The following ELAVL4 variants were observed in gnomAD, a reference collection of about 807,000 sequenced individuals.
The protein encoded by ELAVL4 is ELAV-like protein 4.
A neutral mutation model predicts 35.6 loss-of-function variants in ELAVL4; 1 was observed. The observed-to-expected ratio is 0.03, with a 90% CI of 0.01 to 0.13. The LOEUF (loss-of-function observed/expected upper bound fraction) is 0.13, where lower values mean the gene tolerates loss of function less well. Ranked by LOEUF, ELAVL4 falls within the 10% of genes least tolerant of loss-of-function variation. ELAVL4 has a pLI of 1.00. For synonymous variants in ELAVL4, 156 were observed against 171.0 expected, an observed-to-expected ratio of 0.91 and a Z score of 0.69; for missense variants, 267 against 464.9, an observed-to-expected ratio of 0.57 and a Z score of 3.91.
At chr1:50,091,464 A>C (rs1030349580) in intron 1 of ELAVL4, among the ~76,000 whole-genome samples, 3 of 152,138 alleles carry the variant, frequency 2.0e-5, no homozygotes, top group Non-Finnish European at 4.4e-5. Flanking sequence ...TGGTGGCCAA[A>C]ATTAGTTCAA....
chr1:50,090,406 T>C (rs561284112), intron 1 of ELAVL4, among the ~76,000 whole-genome samples: 2 of 152,262 alleles, frequency 1.3e-5, no homozygotes, highest in South Asian at 4.1e-4. Flanking sequence ...ACTAGGCTTC[T>C]AAGGGAGATG....
intron 1 of ELAVL4, among the ~76,000 whole-genome samples, chr1:50,120,031 A>G (rs1668759371): frequency 6.6e-6 from 1 of 150,568 alleles, no homozygotes; most frequent in African/African-American, 2.4e-5. Flanking sequence ...TTTCTCTTCT[A>G]TATCAAATTT....
At chr1:50,052,344 T>C (rs182592498) in intron 1 of ELAVL4, among the ~76,000 whole-genome samples, 6 of 152,256 alleles carry the variant, frequency 3.9e-5, no homozygotes, top group Admixed American at 3.9e-4. Context: ...CCCCACACTT[T>C]TTGTGTGTAA....
At chr1:50,090,829 T>A (rs906497864) in intron 1 of ELAVL4, among the ~76,000 whole-genome samples, 11 of 152,210 alleles carry the variant, frequency 7.2e-5, no homozygotes, top group Non-Finnish European at 1.5e-4. Flanking sequence ...AGCCCCACTG[T>A]ATTCTAGCTG....
At chr1:50,195,924 G>T (rs950465383) in intron 5 of ELAVL4, 138 bp downstream of exon 5, 1 of 969,202 alleles carries the variant, frequency 1.0e-6, no homozygotes, top group African/African-American at 1.6e-5. Flanking sequence ...AACTCCCCCC[G>T]AGCCTCAGTT....
chr1:50,192,183 GTTT>G (rs1335903085), intron 3 of ELAVL4, among the ~76,000 whole-genome samples: 1 of 152,194 alleles, frequency 6.6e-6, no homozygotes, highest in Non-Finnish European at 1.5e-5. Flanking sequence ...CCACCCGTGA[GTTT>G]CTAGAAGATG....
chr1:50,156,156 T>C (rs1675704994), intron 2 of ELAVL4, among the ~76,000 whole-genome samples: 1 of 152,190 alleles, frequency 6.6e-6, no homozygotes, highest in African/African-American at 2.4e-5. Context: ...TGCATCAGAC[T>C]AACCAGAATT....
At chr1:50,056,337 T>C in intron 1 of ELAVL4, among the ~76,000 whole-genome samples, 1 of 152,194 alleles carries the variant, frequency 6.6e-6, no homozygotes, top group East Asian at 1.9e-4. Context: ...TAATACTGTA[T>C]GGTCATGCAC....
chr1:50,120,479 G>A (rs1668841771), intron 1 of ELAVL4, among the ~76,000 whole-genome samples: 1 of 152,040 alleles, frequency 6.6e-6, no homozygotes, highest in African/African-American at 2.4e-5. Context: ...GATTTAGGAA[G>A]GTTCAGTTGT....
intron 2 of ELAVL4, among the ~76,000 whole-genome samples, chr1:50,159,841 C>A (rs1484408246): frequency 6.6e-6 from 1 of 152,062 alleles, no homozygotes. Flanking sequence ...ATGAAGACCT[C>A]ATTTATTTCA....
chr1:50,144,902 G>C, intron 1 of ELAVL4, 55 bp from the exon 2 acceptor site: 1 of 1,584,764 alleles, frequency 6.3e-7, no homozygotes, highest in Non-Finnish European at 8.5e-7. Flanking sequence ...TTTTAAAAGA[G>C]ACTTTGTGTC....
At chr1:50,087,458 T>G (rs373480641) in intron 1 of ELAVL4, among the ~76,000 whole-genome samples, 3 of 152,358 alleles carry the variant, frequency 2.0e-5, no homozygotes, top group Admixed American at 6.5e-5. Context: ...TAGATTGTAA[T>G]TTTTTAAACT....
intron 1 of ELAVL4, among the ~76,000 whole-genome samples, chr1:50,121,930 C>T (rs1442904200): frequency 6.6e-6 from 1 of 151,992 alleles, no homozygotes; most frequent in Non-Finnish European, 1.5e-5. Context: ...TGAATGTGAC[C>T]TAGAGGTGGG....
chr1:50,144,823 T>C lies in ELAVL4; in HGVS notation c.10-134T>C, dbSNP rs933150335. On this transcript the variant is annotated intron_variant, in intron 1 of 6. Transcript: ENST00000371824. ...AAAACATGCTTCTAAATTGGCTGTG[T>C]TCACAACCCAGTCTCTTGCTCCATC... 3 of 1,383,112 alleles carry C rather than the reference T, an allele frequency of 2.2e-6. No homozygotes were observed. The African/African-American group carries it at 4.3e-5, about 20-fold the overall frequency. The allele number at this position is 1,383,112 out of a possible 1,614,324, so 85.7% of individuals were successfully genotyped here.
chr1:50,160,350 C>A lies in ELAVL4; in HGVS notation c.250+15153C>A, dbSNP rs939311118. 3.3e-5 allele frequency among the ~76,000 whole-genome samples: 5 copies of A among 152,118 alleles called. No individual in the cohort carries two copies. The East Asian group carries it at 9.6e-4, about 29-fold the overall frequency. Reference sequence around the variant, plus strand: ...ATGAGTTGTTCTTGGGTTTTTATGTCTTTATTTTGCCTTATTTCCTACCTG... The same window carrying A: ...ATGAGTTGTTCTTGGGTTTTTATGTATTTATTTTGCCTTATTTCCTACCTG... On this transcript the variant is annotated intron_variant, in intron 2 of 6. Coordinates refer to ENST00000371824, the MANE Select transcript of ELAVL4 (RefSeq NM_001144774.3).
At chr1:50,067,549 A>G (rs1389977385) in intron 1 of ELAVL4, among the ~76,000 whole-genome samples, 3 of 152,242 alleles carry the variant, frequency 2.0e-5, no homozygotes, top group African/African-American at 7.2e-5. Context: ...TCAGAAAGAT[A>G]TAGGTAAACC....
chr1:50,143,995 A>G (rs1252115937), intron 1 of ELAVL4, among the ~76,000 whole-genome samples: 1 of 152,236 alleles, frequency 6.6e-6, no homozygotes, highest in East Asian at 1.9e-4. Flanking sequence ...ATAAAACCCT[A>G]TTCCAGCATT....
chr1:50,132,605 G>C (rs1671039239), intron 1 of ELAVL4, among the ~76,000 whole-genome samples: 1 of 152,166 alleles, frequency 6.6e-6, no homozygotes, highest in Non-Finnish European at 1.5e-5. Context: ...GACTGAACCA[G>C]AGACTGTTTC....
At chr1:50,129,120 G>A (rs1412944206) in intron 1 of ELAVL4, among the ~76,000 whole-genome samples, 5 of 152,034 alleles carry the variant, frequency 3.3e-5, no homozygotes, top group African/African-American at 9.6e-5. Flanking sequence ...TTATTATTTT[G>A]TAAGTGAGGG....
Sources: allele counts gnomAD v4.1 joint callset (sites outside exome capture counted in the v4.1 genomes callset), GRCh38; gene constraint gnomAD v4.1.1; transcripts MANE v1.5; gene names NCBI Gene and HGNC (gene_info 2026-07-23, HGNC 2026-07-21).